Variants in CCDC57 observed in about 807,000 individuals in gnomAD.
The protein encoded by CCDC57 is coiled-coil domain containing 57.
In CCDC57, 118 loss-of-function variants were observed where a neutral mutation model predicts 118.9. The observed-to-expected ratio is 0.99, with a 90% CI of 0.86 to 1.16. The LOEUF is 1.16. Among genes scored for constraint, CCDC57 ranks in the 50% most tolerant of loss-of-function variants. The pLI, the probability that CCDC57 is intolerant of heterozygous loss-of-function variation, is 0.00. For missense variants in CCDC57, 1,300 were observed against 1,320.7 expected, an observed-to-expected ratio of 0.98 and a Z score of 0.24; for synonymous variants, 527 against 532.9, an observed-to-expected ratio of 0.99 and a Z score of 0.15.
intron 16 of CCDC57, among the ~76,000 whole-genome samples, chr17:82,143,055 T>C (rs1417073813): frequency 6.6e-6 from 1 of 151,856 alleles, no homozygotes; most frequent in African/African-American, 2.4e-5. Context: ...TCTCAGCTAC[T>C]CAAGGCCGAG....
At chr17:82,111,669 C>T (rs921523144) in intron 19 of CCDC57, among the ~76,000 whole-genome samples, 10 of 151,876 alleles carry the variant, frequency 6.6e-5, no homozygotes, top group African/African-American at 1.9e-4. Flanking sequence ...TGCAGTGGTG[C>T]GATCTCGGCT....
intron 8 of CCDC57, among the ~76,000 whole-genome samples, chr17:82,186,441 TACCGACCACAGAGGTCGCCCCGCAC>T (rs2046931303): frequency 6.6e-6 from 1 of 152,168 alleles, no homozygotes; most frequent in Admixed American, 6.6e-5. Flanking sequence ...TCACCCCGTA[TACCGACCACAGAGGTCGCCCCGCAC>T]ACCGACCGCA....
chr17:82,184,342 A>G (rs2046674880), intron 8 of CCDC57, among the ~76,000 whole-genome samples: 1 of 151,714 alleles, frequency 6.6e-6, no homozygotes, highest in Non-Finnish European at 1.5e-5. Context: ...TGTCCTCGCC[A>G]TGCCTAGCAC....
intron 2 of CCDC57, among the ~76,000 whole-genome samples, chr17:82,204,780 C>G (rs1336244841): frequency 6.6e-6 from 1 of 151,630 alleles, no homozygotes; most frequent in African/African-American, 2.4e-5. Context: ...GAGACTCCAT[C>G]TCAAGAAAAA....
chr17:82,200,650 G>C (rs954122742), intron 3 of CCDC57, among the ~76,000 whole-genome samples: 1 of 151,910 alleles, frequency 6.6e-6, no homozygotes, highest in South Asian at 2.1e-4. Flanking sequence ...AAAATTAGCC[G>C]GGCGTGGTGG....
chr17:82,110,886 A>G (rs1415043295), intron 19 of CCDC57, among the ~76,000 whole-genome samples: 1 of 151,756 alleles, frequency 6.6e-6, no homozygotes, highest in African/African-American at 2.4e-5. Flanking sequence ...TTATCTGGGC[A>G]TGGTGGCACA....
chr17:82,124,613 C>T (rs975010499), intron 19 of CCDC57, among the ~76,000 whole-genome samples: 8 of 151,570 alleles, frequency 5.3e-5, no homozygotes, highest in African/African-American at 1.9e-4. Flanking sequence ...GGCAACAGAG[C>T]GACACCTTGT....
chr17:82,132,900 C>G (rs1284538799), intron 17 of CCDC57, among the ~76,000 whole-genome samples: 1 of 151,894 alleles, frequency 6.6e-6, no homozygotes, highest in Non-Finnish European at 1.5e-5. Flanking sequence ...GCTGGGATTA[C>G]AGGCGAGTGC....
At chr17:82,186,010 C>T (rs2046881209) in intron 8 of CCDC57, among the ~76,000 whole-genome samples, 1 of 152,010 alleles carries the variant, frequency 6.6e-6, no homozygotes, top group African/African-American at 2.4e-5. Flanking sequence ...TCTAACTTTT[C>T]TTTGGGTAGA....
chr17:82,179,066 T>C, exon 10 of CCDC57: 1 of 1,614,004 alleles, frequency 6.2e-7, no homozygotes, highest in Admixed American at 1.7e-5. Flanking sequence ...TCAGGGCCTC[T>C]GACTTTTGGA....
At chr17:82,112,186 C>T (rs1162868371) in intron 19 of CCDC57, 1 of 152,264 alleles carries the variant, frequency 6.6e-6, no homozygotes, top group Non-Finnish European at 1.5e-5. Flanking sequence ...GTTGACCAGG[C>T]TGGTTGTGAA....
chr17:82,195,112 A>C (rs542323173), intron 5 of CCDC57, 151 bp downstream of exon 4: 160 of 663,676 alleles, frequency 2.4e-4, no homozygotes, highest in Admixed American at 4.8e-4. Flanking sequence ...GGGCATCCAC[A>C]TGGCCCACCT....
intron 15 of CCDC57, among the ~76,000 whole-genome samples, chr17:82,152,641 G>A (rs1381224275): frequency 2.0e-5 from 3 of 152,240 alleles, no homozygotes; most frequent in African/African-American, 7.2e-5. Context: ...CTGGCAAGAC[G>A]GGAGCCGACG....
intron 19 of CCDC57, among the ~76,000 whole-genome samples, chr17:82,117,213 C>G (rs555869258): frequency 6.6e-6 from 1 of 151,048 alleles, no homozygotes; most frequent in South Asian, 2.1e-4. Flanking sequence ...ATTAGCGAGG[C>G]ATGGTGGCGC....
intron 2 of CCDC57, among the ~76,000 whole-genome samples, chr17:82,205,225 G>A (rs1201307075): frequency 3.9e-5 from 6 of 152,228 alleles, no homozygotes; most frequent in Admixed American, 3.9e-4. Context: ...CGTGAGTCAT[G>A]ACAACGGTTC....
At chr17:82,143,157 A>G (rs1377450032) in intron 16 of CCDC57, among the ~76,000 whole-genome samples, 1 of 152,134 alleles carries the variant, frequency 6.6e-6, no homozygotes, top group Non-Finnish European at 1.5e-5. Flanking sequence ...CGTCAAAAAA[A>G]AAAAAGCCCA....
intron 5 of CCDC57, among the ~76,000 whole-genome samples, chr17:82,194,880 TG>T (rs2048113656): frequency 6.6e-6 from 1 of 152,266 alleles, no homozygotes; most frequent in African/African-American, 2.4e-5. Flanking sequence ...GTGGTGACGA[TG>T]GCTGCTGCAC....
intron 16 of CCDC57, among the ~76,000 whole-genome samples, chr17:82,149,103 A>G (rs796329026): frequency 2.7e-5 from 1 of 37,450 alleles, no homozygotes; most frequent in Non-Finnish European, 4.8e-5. Flanking sequence ...ATGGATGGGT[A>G]GATGGGATAA....
intron 1 of CCDC57, among the ~76,000 whole-genome samples, chr17:82,211,883 T>G (rs1188200846): frequency 2.0e-5 from 3 of 152,236 alleles, no homozygotes; most frequent in Admixed American, 6.5e-5. Context: ...CCAAAGCCCC[T>G]GCGTTTATCA....
Sources: allele counts gnomAD v4.1 joint callset (sites outside exome capture counted in the v4.1 genomes callset), GRCh38; gene constraint gnomAD v4.1.1; transcripts MANE v1.5; gene names NCBI Gene and HGNC (gene_info 2026-07-23, HGNC 2026-07-21).